The following WDR72 variants were observed in gnomAD, a reference collection of about 807,000 sequenced individuals.
The protein encoded by WDR72 is WD repeat-containing protein 72.
WDR72 carries 120 observed loss-of-function variants against 124.2 expected under a neutral mutation model. That is an observed-to-expected ratio of 0.97 (90% CI 0.83 to 1.12). The LOEUF is 1.12. WDR72 is among the 50% of genes most tolerant of loss of function. WDR72 has a pLI of 0.00. For synonymous variants in WDR72, 452 were observed against 441.7 expected, an observed-to-expected ratio of 1.02 and a Z score of -0.29; for missense variants, 1,387 against 1,278.8, an observed-to-expected ratio of 1.08 and a Z score of -1.29.
At chr15:53,545,129 C>G (rs1162702975) in intron 18 of WDR72, among the ~76,000 whole-genome samples, 1 of 149,478 alleles carries the variant, frequency 6.7e-6, no homozygotes, top group Non-Finnish European at 1.5e-5. Flanking sequence ...ATAAAGCTAC[C>G]AACGACTTTC....
chr15:53,540,102 TG>T (rs1205199773), intron 18 of WDR72, among the ~76,000 whole-genome samples: 1 of 152,140 alleles, frequency 6.6e-6, no homozygotes, highest in Non-Finnish European at 1.5e-5. Context: ...CTAATATATG[TG>T]TAAGTAATAA....
rs867393134 is a variant in WDR72 at position 53,699,902 on chromosome 15, G to A, written c.1613C>T (p.Ser538Phe). 1 of 1,614,126 alleles carries A rather than the reference G, an allele frequency of 6.2e-7. No homozygotes were observed. The highest frequency in any genetic ancestry group is 8.5e-7 in the Non-Finnish European group (1 of 1,180,040). ...TCCCTCAAGGTGAAGGAGAGCCACG[G>A]AATGGTCACCGCACACACAGCAAAT... ...QIICCVCGDH[S>F]VALLHLEGKS... The change falls in exon 13 of 20, where the codon TCC becomes TTC. Residue 538 changes from serine to phenylalanine, a missense_variant. Ser to Phe is a radical substitution (Grantham distance 155, BLOSUM62 -2). Coordinates refer to ENST00000360509, the MANE Select transcript of WDR72 (RefSeq NM_182758.4).
chr15:53,667,614 A>T (rs538197423), intron 13 of WDR72, among the ~76,000 whole-genome samples: 15 of 152,296 alleles, frequency 9.8e-5, no homozygotes, highest in African/African-American at 3.6e-4. Context: ...ACTGCATTCC[A>T]GAACTTGGAA....
At chr15:53,648,803 T>C (rs566812731) in intron 14 of WDR72, among the ~76,000 whole-genome samples, 18 of 152,044 alleles carry the variant, frequency 1.2e-4, no homozygotes, top group Non-Finnish European at 2.4e-4. Context: ...ACATGAGTTC[T>C]TTCAAACAAC....
chr15:53,599,496 G>A (rs117818648), intron 17 of WDR72, among the ~76,000 whole-genome samples: 373 of 152,224 alleles, frequency 2.5e-3, no homozygotes, highest in Non-Finnish European at 4.2e-3. Context: ...CTGTGATACT[G>A]ACAGAAATTA....
chr15:53,741,434 G>A (rs1257319532), intron 1 of WDR72, among the ~76,000 whole-genome samples: 4 of 152,078 alleles, frequency 2.6e-5, no homozygotes, highest in African/African-American at 4.8e-5. Context: ...ATTCAGAGAC[G>A]TACTTCCAGG....
intron 14 of WDR72, among the ~76,000 whole-genome samples, chr15:53,638,084 A>AT (rs201505597): frequency 6.6e-6 from 1 of 152,162 alleles, no homozygotes; most frequent in Non-Finnish European, 1.5e-5. Context: ...TGAAAGCAGC[A>AT]TTTTTTTCCT....
chr15:53,691,568 T>G (rs2016841064), intron 13 of WDR72, among the ~76,000 whole-genome samples: 1 of 151,310 alleles, frequency 6.6e-6, no homozygotes, highest in African/African-American at 2.4e-5. Flanking sequence ...TTGCTCAGGT[T>G]TCTTTTTTAT....
At chr15:53,639,114 G>A (rs1367311758) in intron 14 of WDR72, among the ~76,000 whole-genome samples, 44 of 152,200 alleles carry the variant, frequency 2.9e-4, no homozygotes. Flanking sequence ...CTTATATCTA[G>A]ATACTACCTT....
chr15:53,727,245 AC>A (rs1310601628), intron 2 of WDR72, among the ~76,000 whole-genome samples: 3 of 150,632 alleles, frequency 2.0e-5, no homozygotes, highest in Non-Finnish European at 4.4e-5. Flanking sequence ...AAAAAAAAAG[AC>A]CAAAAATTGA....
intron 1 of WDR72, among the ~76,000 whole-genome samples, chr15:53,740,887 T>C (rs1369446081): frequency 6.6e-6 from 1 of 152,200 alleles, no homozygotes; most frequent in African/African-American, 2.4e-5. Flanking sequence ...CTTACAGGGT[T>C]GTTGTGAGAA....
At position 53,691,660 on chromosome 15, in the gene WDR72, T is replaced by TAGAC. The variant is rs1567031271; in HGVS notation, c.1765+8089_1765+8090insGTCT. On this transcript the variant is annotated intron_variant, in intron 13 of 19. Transcript: ENST00000360509. Reference sequence around the variant, plus strand: ...ATAGATAGATAGATAGATAGATAGATAGATAGATAGATAGATGTTTAACAA... The same window carrying TAGAC: ...ATAGATAGATAGATAGATAGATAGATAGACAGATAGATAGATAGATGTTTAACAA... Among the ~76,000 whole-genome samples, 7 of 145,516 alleles carry TAGAC rather than the reference T, an allele frequency of 4.8e-5. No individual in the cohort carries two copies. In the South Asian group the frequency reaches 1.3e-3, roughly 28 times the overall value.
At chr15:53,537,119 C>T (rs1892805459) in intron 18 of WDR72, among the ~76,000 whole-genome samples, 1 of 152,106 alleles carries the variant, frequency 6.6e-6, no homozygotes, top group Non-Finnish European at 1.5e-5. Context: ...GCATGACAGT[C>T]CCAGCTTTCT....
chr15:53,636,670 C>T (rs1342334312), intron 14 of WDR72, among the ~76,000 whole-genome samples: 1 of 152,096 alleles, frequency 6.6e-6, no homozygotes, highest in Non-Finnish European at 1.5e-5. Context: ...AGACTAAGTG[C>T]AAGGCAAATT....
intron 11 of WDR72, among the ~76,000 whole-genome samples, chr15:53,703,193 C>A (rs535357179): frequency 1.3e-5 from 2 of 152,078 alleles, no homozygotes; most frequent in Non-Finnish European, 2.9e-5. Flanking sequence ...GGATTACAGG[C>A]GGTAGCCACC....
intron 13 of WDR72, among the ~76,000 whole-genome samples, chr15:53,680,896 G>A (rs1297367868): frequency 6.6e-6 from 1 of 152,170 alleles, no homozygotes; most frequent in African/African-American, 2.4e-5. Context: ...TCTATTGCCT[G>A]GGATGCACTG....
chr15:53,683,771 T>C (rs2016487901), intron 13 of WDR72, among the ~76,000 whole-genome samples: 1 of 151,982 alleles, frequency 6.6e-6, no homozygotes, highest in Non-Finnish European at 1.5e-5. Context: ...ATAAATCTCA[T>C]ATATATATAT....
chr15:53,559,716 G>A (rs1388427303), intron 18 of WDR72, among the ~76,000 whole-genome samples: 1 of 151,944 alleles, frequency 6.6e-6, no homozygotes, highest in Non-Finnish European at 1.5e-5. Context: ...TATGGCTTAT[G>A]TGTGGTGATC....
chr15:53,533,120 C>G (rs1892570217), intron 18 of WDR72, among the ~76,000 whole-genome samples: 1 of 152,014 alleles, frequency 6.6e-6, no homozygotes, highest in Non-Finnish European at 1.5e-5. Flanking sequence ...CCCATGAGGA[C>G]TCCACACTTG....
Sources: gnomAD v4.1 joint callset for allele counts (sites outside exome capture counted in the v4.1 genomes callset) on GRCh38, gnomAD v4.1.1 for gene constraint, MANE v1.5 for transcripts, NCBI Gene and HGNC (gene_info 2026-07-23, HGNC 2026-07-21) for gene names.